MEOX2: variants seen among roughly 807,000 people sequenced by gnomAD.
MEOX2 encodes the protein homeobox protein MOX-2.
MEOX2 carries 11 observed loss-of-function variants against 27.0 expected under a neutral mutation model. That is an observed-to-expected ratio of 0.41 (90% confidence interval 0.26 to 0.68). The LOEUF is 0.68. Among genes scored for constraint, MEOX2 ranks in the 30% least tolerant of loss-of-function variants. MEOX2 has a pLI of 0.33. For missense variants in MEOX2, 436 were observed against 385.4 expected, an observed-to-expected ratio of 1.13 and a Z score of -1.10; for synonymous variants, 189 against 155.4, an observed-to-expected ratio of 1.22 and a Z score of -1.61.
At chr7:15,661,012 C>CAAAAAAAAAAA (rs71004402) in intron 1 of MEOX2, among the ~76,000 whole-genome samples, 6 of 44,336 alleles carry the variant, frequency 1.4e-4, no homozygotes, top group African/African-American at 3.3e-4. Flanking sequence ...GACTCAGTCT[C>CAAAAAAAAAAA]AAAAAAAAAA....
At chr7:15,652,782 C>G (rs1470294848) in intron 1 of MEOX2, among the ~76,000 whole-genome samples, 1 of 151,900 alleles carries the variant, frequency 6.6e-6, no homozygotes, top group Non-Finnish European at 1.5e-5. Context: ...AAAGATTCAT[C>G]CAAGTTGCTA....
rs561778236 is a variant in MEOX2 at position 15,686,549 on chromosome 7, C to T, written c.-147G>A. 3.1e-5 allele frequency: 23 copies of T among 737,490 alleles called. 1 individual carries two copies. In the South Asian group the frequency reaches 3.6e-4, roughly 12 times the overall value. 45.7% of individuals were successfully genotyped at this position (737,490 alleles called of 1,614,324 possible). A position where few individuals can be genotyped will look rare whatever the true frequency, so the allele number is the denominator to read the frequency against. On this transcript the variant is annotated 5_prime_UTR_variant, in exon 1 of 3. Coordinates refer to ENST00000262041, the MANE Select transcript of MEOX2 (RefSeq NM_005924.5). The stretch of plus-strand genomic sequence containing the variant: ...TGCACTTCTGCAGAGCTCGGATAAT[C>T]CCGGTCCTGAGCCCCAGCGGCCAGT...
At chr7:15,653,165 T>G (rs1781761776) in intron 1 of MEOX2, among the ~76,000 whole-genome samples, 1 of 127,676 alleles carries the variant, frequency 7.8e-6, no homozygotes, top group Non-Finnish European at 1.8e-5. Context: ...ATTTTTCAAT[T>G]TTAGCTCGTA....
At chr7:15,613,317 C>G (rs1343616149) in intron 2 of MEOX2, among the ~76,000 whole-genome samples, 1 of 151,288 alleles carries the variant, frequency 6.6e-6, no homozygotes, top group Non-Finnish European at 1.5e-5. Flanking sequence ...CAGGTATTTT[C>G]TTTTTAAAAG....
At chr7:15,641,083 C>T (rs1467807031) in intron 1 of MEOX2, among the ~76,000 whole-genome samples, 1 of 152,138 alleles carries the variant, frequency 6.6e-6, no homozygotes, top group African/African-American at 2.4e-5. Context: ...GGAATAATTT[C>T]AGTAAGTTGG....
chr7:15,636,098 G>C (rs911750563), intron 1 of MEOX2, among the ~76,000 whole-genome samples: 3 of 151,872 alleles, frequency 2.0e-5, no homozygotes, highest in African/African-American at 7.3e-5. Flanking sequence ...AGTGGTTAAA[G>C]TATTAAAAAA....
At chr7:15,657,212 T>A (rs981723863) in intron 1 of MEOX2, among the ~76,000 whole-genome samples, 1 of 152,150 alleles carries the variant, frequency 6.6e-6, no homozygotes, top group Non-Finnish European at 1.5e-5. Context: ...CAGCTGCTTG[T>A]TTTTGCAGGT....
At chr7:15,677,863 T>A (rs531793068) in intron 1 of MEOX2, among the ~76,000 whole-genome samples, 3 of 152,334 alleles carry the variant, frequency 2.0e-5, no homozygotes, top group African/African-American at 7.2e-5. Context: ...CTTTTATGAT[T>A]TATCAACTAA....
At position 15,685,923 on chromosome 7, in the gene MEOX2, C is replaced by G. The variant is rs1370737581; in HGVS notation, c.480G>C (p.Glu160Asp). Residue 160 changes from glutamate to aspartate, a missense_variant, in exon 1 of 3, where the codon GAG (glutamate) becomes GAC (aspartate). Physicochemically the swap from Glu to Asp is conservative, Grantham distance 45. Transcript: ENST00000262041. Reference protein sequence around the residue: ...GRQALSPAEAEKRSGGKRKSD... With the variant: ...GRQALSPAEADKRSGGKRKSD... ...TTTTCCTCTTGCCGCCGCTTCGCTT[C>G]TCCGCCTCCGCAGGTGACAGTGCCT... 2.5e-6 allele frequency: 4 copies of G among 1,609,596 alleles called. No individual in the cohort carries two copies. The South Asian group carries it at 4.4e-5, about 18-fold the overall frequency.
At chr7:15,648,740 C>T (rs1171631125) in intron 1 of MEOX2, among the ~76,000 whole-genome samples, 1 of 152,020 alleles carries the variant, frequency 6.6e-6, no homozygotes, top group Non-Finnish European at 1.5e-5. Flanking sequence ...AGCGAAAGTG[C>T]TGCAGCATCA....
chr7:15,676,253 C>G (rs1015341781), intron 1 of MEOX2: 1 of 152,102 alleles, frequency 6.6e-6, no homozygotes, highest in Non-Finnish European at 1.5e-5. Flanking sequence ...AAAATATGTT[C>G]TTTGTAAAAA....
intron 2 of MEOX2, among the ~76,000 whole-genome samples, chr7:15,622,705 A>T (rs1171843754): frequency 3.3e-5 from 5 of 152,194 alleles, no homozygotes. Context: ...CATAGCATTT[A>T]TGAGATTAAT....
At chr7:15,659,466 T>C (rs1475964629) in intron 1 of MEOX2, among the ~76,000 whole-genome samples, 3 of 152,054 alleles carry the variant, frequency 2.0e-5, no homozygotes, top group Non-Finnish European at 4.4e-5. Context: ...TTTAAGCACT[T>C]GAAAGCAAAG....
chr7:15,679,111 A>C (rs1331360470), intron 1 of MEOX2: 1 of 152,168 alleles, frequency 6.6e-6, no homozygotes, highest in Non-Finnish European at 1.5e-5. Context: ...CATATTATGC[A>C]TTTAATAAGG....
At chr7:15,672,110 C>A (rs566374992) in intron 1 of MEOX2, among the ~76,000 whole-genome samples, 22 of 151,442 alleles carry the variant, frequency 1.5e-4, no homozygotes, top group African/African-American at 4.4e-4. Flanking sequence ...ACAAAAAAAA[C>A]AAAAAAACAA....
intron 1 of MEOX2, among the ~76,000 whole-genome samples, chr7:15,634,230 T>C (rs1195167265): frequency 6.6e-6 from 1 of 151,924 alleles, no homozygotes; most frequent in Non-Finnish European, 1.5e-5. Flanking sequence ...GATTGGATAA[T>C]TCTTGTTACA....
intron 1 of MEOX2, among the ~76,000 whole-genome samples, chr7:15,674,793 T>A (rs17168971): frequency 0.018 from 2,810 of 152,254 alleles, 48 homozygotes; most frequent in Middle Eastern, 0.071. Flanking sequence ...GTTTACACAT[T>A]GTGGGGAAGA....
At chr7:15,646,638 T>G (rs1050109035) in intron 1 of MEOX2, among the ~76,000 whole-genome samples, 2 of 152,018 alleles carry the variant, frequency 1.3e-5, no homozygotes, top group African/African-American at 4.8e-5. Flanking sequence ...AGAAAGTACT[T>G]CAAGGAACAT....
Position 15,612,136 on chromosome 7 carries a change from C to T in MEOX2, c.*251G>A. 3 of 533,094 alleles carry T rather than the reference C, an allele frequency of 5.6e-6. No homozygotes were observed. The highest frequency in any genetic ancestry group is 6.7e-6 in the Non-Finnish European group (2 of 296,796). The allele number at this position is 533,094 out of a possible 1,614,324, so 33.0% of individuals were successfully genotyped here. A position where few individuals can be genotyped will look rare whatever the true frequency, so the allele number is the denominator to read the frequency against. The stretch of plus-strand genomic sequence containing the variant: ...AAAGCAAACACATACCTGCTCACTG[C>T]CATACGCACGACCAAACACATCTGG... On this transcript the variant is annotated 3_prime_UTR_variant, in exon 3 of 3. Transcript: ENST00000262041.
Sources: gnomAD v4.1 joint callset for allele counts (sites outside exome capture counted in the v4.1 genomes callset) on GRCh38, gnomAD v4.1.1 for gene constraint, MANE v1.5 for transcripts, NCBI Gene and HGNC (gene_info 2026-07-23, HGNC 2026-07-21) for gene names.